Variants in DNAH14 observed in about 807,000 individuals in gnomAD.
The protein encoded by DNAH14 is dynein axonemal heavy chain 14.
DNAH14 carries 478 observed loss-of-function variants against 520.9 expected under a neutral mutation model. That is an observed-to-expected ratio of 0.92 (90% CI 0.85 to 0.99). DNAH14 has a LOEUF of 0.99. Ranked by LOEUF, DNAH14 falls within the 50% of genes least tolerant of loss-of-function variation. The probability of loss-of-function intolerance (pLI) is 0.00; values close to 1 mark genes in which losing one functional copy is unlikely to be tolerated. For missense variants in DNAH14, 4,831 were observed against 5,234.5 expected (o/e 0.92, Z 2.38); for synonymous variants, 1,581 against 1,757.2 (o/e 0.90, Z 2.51).
intron 61 of DNAH14, among the ~76,000 whole-genome samples, chr1:225,319,961 G>C (rs2094530827): frequency 6.6e-6 from 1 of 152,194 alleles, no homozygotes; most frequent in South Asian, 2.1e-4. Flanking sequence ...GGAATGTCAG[G>C]AGATGACATT....
intron 37 of DNAH14, among the ~76,000 whole-genome samples, chr1:225,187,944 A>G (rs1291649812): frequency 6.6e-6 from 1 of 151,488 alleles, no homozygotes; most frequent in African/African-American, 2.4e-5. Context: ...GTTCTTTTAC[A>G]TAGGGATATC....
chr1:224,970,181 G>A (rs559416043), intron 7 of DNAH14, among the ~76,000 whole-genome samples: 16 of 152,224 alleles, frequency 1.1e-4, no homozygotes, highest in African/African-American at 3.1e-4. Flanking sequence ...TGGCCGCTTC[G>A]GGGGGCGGCT....
At chr1:225,167,365 T>G (rs1028727621) in intron 35 of DNAH14, among the ~76,000 whole-genome samples, 102 of 152,356 alleles carry the variant, frequency 6.7e-4, no homozygotes, top group African/African-American at 2.3e-3. Context: ...AACCCTCCTT[T>G]AGAAGGAAGC....
intron 36 of DNAH14, among the ~76,000 whole-genome samples, chr1:225,174,714 G>A (rs1399715998): frequency 3.3e-5 from 5 of 152,054 alleles, no homozygotes; most frequent in Non-Finnish European, 5.9e-5. Context: ...AACATATTGA[G>A]GAAATGTGGT....
chr1:225,291,562 C>T (rs979963923), intron 55 of DNAH14, among the ~76,000 whole-genome samples: 1 of 152,050 alleles, frequency 6.6e-6, no homozygotes, highest in Non-Finnish European at 1.5e-5. Context: ...GACTACAAGA[C>T]TGCACAACCA....
chr1:225,120,073 C>G (rs1423836603), intron 26 of DNAH14, among the ~76,000 whole-genome samples: 2 of 152,122 alleles, frequency 1.3e-5, no homozygotes, highest in African/African-American at 2.4e-5. Context: ...CACAAGCCAG[C>G]TGTATAGGAG....
chr1:225,242,609 T>C (rs2092031760), intron 43 of DNAH14, among the ~76,000 whole-genome samples: 1 of 152,182 alleles, frequency 6.6e-6, no homozygotes, highest in African/African-American at 2.4e-5. Flanking sequence ...GAATACCACA[T>C]GAAGGACCTG....
At chr1:225,224,834 C>A (rs2090388298) in intron 41 of DNAH14, among the ~76,000 whole-genome samples, 1 of 152,134 alleles carries the variant, frequency 6.6e-6, no homozygotes, top group Admixed American at 6.6e-5. Context: ...CTGCTTAGCC[C>A]ATCAATATTG....
rs2095287342 is a variant in DNAH14 at position 225,346,434 on chromosome 1, ATATGT to A, written c.11098-18_11098-14del. Reference sequence around the variant, plus strand: ...ATGCTTATTTAATCTCACTGGATTAATATGTTATATTTTCCCTATAGGTGGTTTCT... The same window carrying A: ...ATGCTTATTTAATCTCACTGGATTAATATATTTTCCCTATAGGTGGTTTCT... On this transcript the variant is annotated splice_polypyrimidine_tract_variant and intron_variant, in intron 70 of 85. Coordinates refer to ENST00000682510, the MANE Select transcript of DNAH14 (RefSeq NM_001367479.1). 1 of 1,536,746 alleles carries A rather than the reference ATATGT, an allele frequency of 6.5e-7. No homozygotes were observed. The highest frequency in any genetic ancestry group is 2.4e-5 in the East Asian group (1 of 40,824).
intron 81 of DNAH14, among the ~76,000 whole-genome samples, chr1:225,386,398 A>G (rs2095842506): frequency 6.6e-6 from 1 of 152,238 alleles, no homozygotes; most frequent in African/African-American, 2.4e-5. Flanking sequence ...ATTAAACTAA[A>G]GAGCTTCTGC....
chr1:225,380,354 C>A, intron 80 of DNAH14, 32 bp downstream of exon 80: 3 of 1,530,738 alleles, frequency 2.0e-6, no homozygotes, highest in Non-Finnish European at 2.6e-6. Context: ...TTTCCCCTTA[C>A]CTCACTCTCC....
intron 84 of DNAH14, among the ~76,000 whole-genome samples, chr1:225,394,179 A>C (rs2095968768): frequency 6.6e-6 from 1 of 152,184 alleles, no homozygotes. Flanking sequence ...TAAGGTGGGC[A>C]CCTTTTAAAA....
chr1:225,095,601 C>T (rs945024154), intron 21 of DNAH14, among the ~76,000 whole-genome samples: 4 of 152,194 alleles, frequency 2.6e-5, no homozygotes, highest in East Asian at 1.9e-4. Flanking sequence ...CCCTGTGACA[C>T]GCAATTTACT....
chr1:225,015,282 C>A (rs1033327547), intron 10 of DNAH14, among the ~76,000 whole-genome samples: 4 of 152,114 alleles, frequency 2.6e-5, no homozygotes, highest in Non-Finnish European at 5.9e-5. Flanking sequence ...AAATGTAATT[C>A]ATTTACTTTC....
At chr1:225,209,925 G>A (rs186301434) in intron 41 of DNAH14, among the ~76,000 whole-genome samples, 1 of 152,118 alleles carries the variant, frequency 6.6e-6, no homozygotes, top group Non-Finnish European at 1.5e-5. Context: ...CTAGCCAAGA[G>A]AAGTTGTGAG....
chr1:225,063,467 A>G (rs1173980577), intron 17 of DNAH14, among the ~76,000 whole-genome samples: 1 of 152,116 alleles, frequency 6.6e-6, no homozygotes, highest in East Asian at 1.9e-4. Flanking sequence ...ATGGATGCGA[A>G]AGCCACAGAC....
At chr1:225,033,621 A>C (rs1310889182) in intron 11 of DNAH14, among the ~76,000 whole-genome samples, 1 of 152,110 alleles carries the variant, frequency 6.6e-6, no homozygotes, top group Non-Finnish European at 1.5e-5. Flanking sequence ...GAAGAATGTC[A>C]TTGATAGTTT....
At chr1:225,192,628 G>T (rs2085596255) in intron 37 of DNAH14, 68 bp from the exon 38 acceptor site, 5 of 1,120,528 alleles carry the variant, frequency 4.5e-6, no homozygotes, top group Middle Eastern at 2.6e-4. Context: ...TTAATAATAA[G>T]AATGCAAATA....
At chr1:225,237,742 C>A (rs1295265428) in intron 42 of DNAH14, among the ~76,000 whole-genome samples, 1 of 152,084 alleles carries the variant, frequency 6.6e-6, no homozygotes, top group Admixed American at 6.6e-5. Context: ...TTTCAAGAAC[C>A]CCAATCAGTC....
Sources: gnomAD v4.1 joint callset for allele counts (sites outside exome capture counted in the v4.1 genomes callset) on GRCh38, gnomAD v4.1.1 for gene constraint, MANE v1.5 for transcripts, NCBI Gene and HGNC (gene_info 2026-07-23, HGNC 2026-07-21) for gene names.